TENM2: variants seen among roughly 807,000 people sequenced by gnomAD.
TENM2 encodes the protein teneurin transmembrane protein 2, also known as teneurin-2.
In TENM2, 52 loss-of-function variants were observed where a neutral mutation model predicts 245.2. That is an observed-to-expected ratio of 0.21 (90% CI 0.17 to 0.27). The LOEUF is 0.27. Ranked by LOEUF, TENM2 falls within the 10% of genes least tolerant of loss-of-function variation. The probability of loss-of-function intolerance (pLI) is 1.00; values close to 1 mark genes in which losing one functional copy is unlikely to be tolerated. For synonymous variants in TENM2, 1,363 were observed against 1,438.9 expected (o/e 0.95, Z 1.19); for missense variants, 3,046 against 3,666.8 (o/e 0.83, Z 4.37).
intron 4 of TENM2, among the ~76,000 whole-genome samples, chr5:167,987,461 G>A (rs146448516): frequency 0.011 from 1,714 of 151,978 alleles, 13 homozygotes; most frequent in Non-Finnish European, 0.019. Flanking sequence ...CCAAGTAGGT[G>A]GGATTACAGG....
At chr5:167,110,905 A>AAAAGACAGAAATGTG in the TENM2 span, among the ~76,000 whole-genome samples, 3 of 152,220 alleles carry the variant, frequency 2.0e-5, no homozygotes, top group Non-Finnish European at 4.4e-5. Flanking sequence ...CATTGTTAGA[A>AAAAGACAGAAATGTG]AAAGACAGAA....
intron 15 of TENM2, among the ~76,000 whole-genome samples, chr5:168,196,585 C>T (rs983103174): frequency 6.6e-6 from 1 of 152,170 alleles, no homozygotes; most frequent in Admixed American, 6.5e-5. Flanking sequence ...CCTCAGCCTC[C>T]CGAGTAGCTG....
chr5:167,234,702 A>G, the TENM2 span, among the ~76,000 whole-genome samples: 1 of 152,232 alleles, frequency 6.6e-6, no homozygotes, highest in African/African-American at 2.4e-5. Flanking sequence ...CAAAACAAAT[A>G]GAAATTTGAA....
chr5:167,258,159 T>C, the TENM2 span, among the ~76,000 whole-genome samples: 1 of 149,638 alleles, frequency 6.7e-6, no homozygotes, highest in African/African-American at 2.5e-5. Context: ...TTTGAAGATA[T>C]TATATTTTGT....
At chr5:167,761,728 A>G (rs1217616841) in intron 2 of TENM2, among the ~76,000 whole-genome samples, 1 of 152,192 alleles carries the variant, frequency 6.6e-6, no homozygotes, top group Non-Finnish European at 1.5e-5. Flanking sequence ...CACAGAATTC[A>G]TCCCCAGGCC....
intron 2 of TENM2, among the ~76,000 whole-genome samples, chr5:167,730,468 T>G (rs1038040458): frequency 6.6e-6 from 1 of 152,196 alleles, no homozygotes; most frequent in Non-Finnish European, 1.5e-5. Context: ...TTGAAAGTAA[T>G]AGTTGTAGGT....
At chr5:167,905,650 T>C (rs1270996043) in intron 3 of TENM2, among the ~76,000 whole-genome samples, 1 of 152,106 alleles carries the variant, frequency 6.6e-6, no homozygotes, top group African/African-American at 2.4e-5. Flanking sequence ...ATAGGAGAAT[T>C]TGGGATATCT....
intron 4 of TENM2, among the ~76,000 whole-genome samples, chr5:167,977,941 A>T (rs541486787): frequency 6.6e-6 from 1 of 152,232 alleles, no homozygotes; most frequent in South Asian, 2.1e-4. Context: ...CTCATGATCA[A>T]CTTGGTGCCT....
intron 2 of TENM2, among the ~76,000 whole-genome samples, chr5:167,702,713 G>T (rs1176888250): frequency 6.6e-6 from 1 of 151,844 alleles, no homozygotes; most frequent in Non-Finnish European, 1.5e-5. Context: ...CTCTCAGGCT[G>T]GAGTGCAATG....
At chr5:167,673,659 G>A (rs1756113205) in intron 2 of TENM2, among the ~76,000 whole-genome samples, 1 of 152,056 alleles carries the variant, frequency 6.6e-6, no homozygotes, top group African/African-American at 2.4e-5. Flanking sequence ...TCACTTTCAG[G>A]CTGGTGGTCT....
At chr5:167,567,580 C>T (rs1223253955) in intron 2 of TENM2, among the ~76,000 whole-genome samples, 2 of 152,086 alleles carry the variant, frequency 1.3e-5, no homozygotes, top group Non-Finnish European at 2.9e-5. Context: ...TGGGGGAAAA[C>T]GATATGCTTC....
At chr5:167,775,160 G>T (rs1582976887) in intron 2 of TENM2, among the ~76,000 whole-genome samples, 1 of 152,076 alleles carries the variant, frequency 6.6e-6, no homozygotes, top group Admixed American at 6.5e-5. Flanking sequence ...TAGAGACGGG[G>T]TTTCTCCATG....
chr5:168,232,553 G>A (rs1040580185), intron 25 of TENM2, among the ~76,000 whole-genome samples: 1 of 152,226 alleles, frequency 6.6e-6, no homozygotes, highest in Non-Finnish European at 1.5e-5. Context: ...GAATGTGTGG[G>A]TATCATGCAT....
At chr5:168,159,139 G>A (rs921183602) in intron 12 of TENM2, among the ~76,000 whole-genome samples, 1 of 151,334 alleles carries the variant, frequency 6.6e-6, no homozygotes, top group Non-Finnish European at 1.5e-5. Context: ...GTGAGACTCC[G>A]TCTCAAAAAA....
intron 7 of TENM2, among the ~76,000 whole-genome samples, chr5:168,086,949 G>A (rs1372728714): frequency 6.6e-6 from 1 of 152,140 alleles, no homozygotes; most frequent in Non-Finnish European, 1.5e-5. Flanking sequence ...GAGAGCAGAG[G>A]CTCCCCTACA....
intron 5 of TENM2, among the ~76,000 whole-genome samples, chr5:168,021,068 A>AG (rs1178103885): frequency 1.8e-4 from 27 of 152,182 alleles, no homozygotes; most frequent in Admixed American, 2.0e-4. Context: ...GGAGCAGGCT[A>AG]GGAATCGTTT....
exon 17 of TENM2, chr5:168,200,053 C>T: frequency 6.2e-7 from 1 of 1,613,884 alleles, no homozygotes; most frequent in Non-Finnish European, 8.5e-7. Flanking sequence ...CCAGGCTTCT[C>T]CCAACCTGGC....
At chr5:168,008,689 C>T (rs995089260) in intron 5 of TENM2, among the ~76,000 whole-genome samples, 2 of 152,082 alleles carry the variant, frequency 1.3e-5, no homozygotes, top group African/African-American at 4.8e-5. Flanking sequence ...TGTCTTGTGT[C>T]GACTATCAAG....
chr5:167,095,768 C>CTTT, the TENM2 span, among the ~76,000 whole-genome samples: 2 of 129,808 alleles, frequency 1.5e-5, no homozygotes, highest in African/African-American at 5.8e-5. Context: ...GAAAGCCTTT[C>CTTT]TTTTTTTTTT....
Sources: gnomAD v4.1 joint callset for allele counts (sites outside exome capture counted in the v4.1 genomes callset) on GRCh38, gnomAD v4.1.1 for gene constraint, MANE v1.5 for transcripts, NCBI Gene and HGNC (gene_info 2026-07-23, HGNC 2026-07-21) for gene names.